The following ATP8A2 variants were observed in gnomAD, a reference collection of about 807,000 sequenced individuals.
ATP8A2 encodes phospholipid-transporting ATPase IB.
ATP8A2 carries 100 observed loss-of-function variants against 165.6 expected under a neutral mutation model. That is an observed-to-expected ratio of 0.60 (90% CI 0.51 to 0.71). ATP8A2 has a LOEUF of 0.71. Ranked by LOEUF, ATP8A2 falls within the 30% of genes least tolerant of loss-of-function variation. The pLI is 0.00. For synonymous variants in ATP8A2, 543 were observed against 548.8 expected (o/e 0.99, Z 0.15); for missense variants, 1,227 against 1,479.5 (o/e 0.83, Z 2.80).
chr13:25,615,371 G>A (rs2040796968), intron 24 of ATP8A2, among the ~76,000 whole-genome samples: 2 of 152,130 alleles, frequency 1.3e-5, no homozygotes, highest in South Asian at 4.1e-4. Context: ...AGCCCGAAAG[G>A]CTGGTCTCAT....
At chr13:25,393,444 C>A (rs757150365) in intron 1 of ATP8A2, among the ~76,000 whole-genome samples, 12 of 152,100 alleles carry the variant, frequency 7.9e-5, no homozygotes, top group Non-Finnish European at 1.6e-4. Flanking sequence ...GAGACAGGGT[C>A]TCACTCTGTC....
At chr13:25,437,284 C>A (rs1295335104) in intron 1 of ATP8A2, among the ~76,000 whole-genome samples, 1 of 152,146 alleles carries the variant, frequency 6.6e-6, no homozygotes, top group Non-Finnish European at 1.5e-5. Context: ...ATCTTAGCAC[C>A]AGAGCTTTCA....
intron 25 of ATP8A2, among the ~76,000 whole-genome samples, chr13:25,762,138 G>A (rs1214724416): frequency 6.6e-6 from 1 of 151,778 alleles, no homozygotes; most frequent in African/African-American, 2.4e-5. Flanking sequence ...GTGTGGAGGT[G>A]CATGCATGTA....
intron 35 of ATP8A2, among the ~76,000 whole-genome samples, chr13:25,998,591 C>T (rs534375364): frequency 5.3e-5 from 8 of 152,266 alleles, no homozygotes; most frequent in African/African-American, 1.7e-4. Flanking sequence ...CATTCAGAAT[C>T]GTCCTCTGCC....
intron 30 of ATP8A2, among the ~76,000 whole-genome samples, chr13:25,849,774 A>G (rs9511938): frequency 0.13 from 20,244 of 152,106 alleles, 1,607 homozygotes; most frequent in Non-Finnish European, 0.18. Flanking sequence ...GGAAGAACAG[A>G]CTCACCTGCT....
At chr13:25,763,123 A>G (rs2044417277) in intron 25 of ATP8A2, among the ~76,000 whole-genome samples, 1 of 152,186 alleles carries the variant, frequency 6.6e-6, no homozygotes. Context: ...AAAAACAACC[A>G]AAGCTAGAAA....
intron 1 of ATP8A2, among the ~76,000 whole-genome samples, chr13:25,413,302 A>G (rs1239487872): frequency 9.7e-5 from 8 of 82,500 alleles, no homozygotes; most frequent in South Asian, 8.1e-4. Flanking sequence ...TTTTTTTGAG[A>G]TGGAGTTTCC....
intron 33 of ATP8A2, among the ~76,000 whole-genome samples, chr13:25,888,740 T>G (rs1237821043): frequency 6.6e-6 from 1 of 152,176 alleles, no homozygotes; most frequent in Non-Finnish European, 1.5e-5. Context: ...ATGTCTGTAA[T>G]TCCAGCTACT....
intron 25 of ATP8A2, among the ~76,000 whole-genome samples, chr13:25,742,445 C>T (rs969836109): frequency 2.0e-5 from 3 of 151,924 alleles, no homozygotes; most frequent in African/African-American, 7.3e-5. Context: ...TGTGTTTCAT[C>T]ATAAAGAAGT....
At chr13:25,569,417 CA>C (rs1240913364) in intron 16 of ATP8A2, among the ~76,000 whole-genome samples, 8 of 152,258 alleles carry the variant, frequency 5.3e-5, no homozygotes, top group Middle Eastern at 3.4e-3. Context: ...ACTAAAAAAA[CA>C]GAAAACTCCA....
chr13:25,500,212 G>C (rs572243646), intron 2 of ATP8A2, among the ~76,000 whole-genome samples: 2 of 152,244 alleles, frequency 1.3e-5, no homozygotes, highest in South Asian at 4.1e-4. Context: ...GGCACAATAG[G>C]GTGAGCGAGG....
chr13:25,641,509 C>T (rs2041520821), intron 24 of ATP8A2, among the ~76,000 whole-genome samples: 1 of 152,056 alleles, frequency 6.6e-6, no homozygotes, highest in South Asian at 2.1e-4. Flanking sequence ...TTCACAATTG[C>T]TTCAAAGAGA....
chr13:25,396,732 G>A (rs1327055123), intron 1 of ATP8A2, among the ~76,000 whole-genome samples: 1 of 152,174 alleles, frequency 6.6e-6, no homozygotes, highest in Non-Finnish European at 1.5e-5. Context: ...AGTTGTGGGC[G>A]AGCGCCTGCC....
At chr13:25,538,552 T>C (rs1353705597) in intron 7 of ATP8A2, among the ~76,000 whole-genome samples, 1 of 152,178 alleles carries the variant, frequency 6.6e-6, no homozygotes, top group East Asian at 1.9e-4. Context: ...CCCTTTTCTG[T>C]CCAAGTATCA....
chr13:25,396,913 A>G (rs138424255), intron 1 of ATP8A2, among the ~76,000 whole-genome samples: 1 of 152,224 alleles, frequency 6.6e-6, no homozygotes, highest in East Asian at 1.9e-4. Flanking sequence ...CAGCTTTATT[A>G]CTCACAGATA....
chr13:25,513,312 C>T (rs2037334123), intron 2 of ATP8A2, among the ~76,000 whole-genome samples: 1 of 151,954 alleles, frequency 6.6e-6, no homozygotes, highest in Non-Finnish European at 1.5e-5. Context: ...CTCCTCACAT[C>T]CCAGACGGGG....
chr13:25,468,789 G>C, intron 1 of ATP8A2, 188 bp from the exon 2 acceptor site: 3 of 976,410 alleles, frequency 3.1e-6, no homozygotes, highest in Non-Finnish European at 3.6e-6. Flanking sequence ...CGGGGGCGGG[G>C]CCGGCCTTGG....
At chr13:25,600,793 C>G (rs751468842) in intron 24 of ATP8A2, among the ~76,000 whole-genome samples, 7 of 152,180 alleles carry the variant, frequency 4.6e-5, no homozygotes, top group Non-Finnish European at 8.8e-5. Flanking sequence ...AGAAATATGG[C>G]TTTAAGCCTT....
intron 27 of ATP8A2, among the ~76,000 whole-genome samples, chr13:25,817,846 T>G (rs1951071024): frequency 6.6e-6 from 1 of 151,988 alleles, no homozygotes; most frequent in Non-Finnish European, 1.5e-5. Context: ...TCCAGCTAAT[T>G]TTTGAAAAAA....
Sources: allele counts gnomAD v4.1 joint callset (sites outside exome capture counted in the v4.1 genomes callset), GRCh38; gene constraint gnomAD v4.1.1; transcripts MANE v1.5; gene names NCBI Gene and HGNC (gene_info 2026-07-23, HGNC 2026-07-21).